Variants in PLEKHS1 observed in about 807,000 individuals in gnomAD.
PLEKHS1 encodes the protein pleckstrin homology domain-containing family S member 1.
Under a neutral mutation model 51.0 loss-of-function variants are expected in PLEKHS1, and 55 were observed. The ratio of observed to expected loss-of-function variants is 1.08; its 90% confidence interval spans 0.87 to 1.35. The LOEUF is 1.35. Ranked by LOEUF, PLEKHS1 falls within the 40% of genes most tolerant of loss-of-function variation. The pLI, the probability that PLEKHS1 is intolerant of heterozygous loss-of-function variation, is 0.00. For synonymous variants in PLEKHS1, 153 were observed against 144.8 expected (o/e 1.06, Z -0.41); for missense variants, 398 against 423.0 (o/e 0.94, Z 0.52).
chr10:113,761,951 G>A (rs1843949735), intron 2 of PLEKHS1, among the ~76,000 whole-genome samples: 2 of 151,862 alleles, frequency 1.3e-5, no homozygotes, highest in African/African-American at 4.8e-5. Flanking sequence ...AGCCACTTGG[G>A]CCTATATGAA....
chr10:113,779,899 T>A (rs183449346), intron 11 of PLEKHS1, among the ~76,000 whole-genome samples: 13 of 152,362 alleles, frequency 8.5e-5, no homozygotes, highest in Non-Finnish European at 1.6e-4. Flanking sequence ...GATAGAAAAT[T>A]CCCTTACTTT....
chr10:113,765,697 T>G (rs188414739), intron 2 of PLEKHS1, among the ~76,000 whole-genome samples: 190 of 152,374 alleles, frequency 1.2e-3, no homozygotes, highest in Middle Eastern at 3.4e-3. Flanking sequence ...TATTCACTAT[T>G]TAGAAAAACA....
chr10:113,764,753 C>CTG (rs890335639), intron 2 of PLEKHS1: 1 of 152,254 alleles, frequency 6.6e-6, no homozygotes, highest in Non-Finnish European at 1.5e-5. Context: ...CCACAGTGTA[C>CTG]TGGTGCTCTT....
exon 7 of PLEKHS1, chr10:113,769,793 T>C (rs1178165024): frequency 5.0e-6 from 8 of 1,611,142 alleles, no homozygotes; most frequent in Non-Finnish European, 5.9e-6. Context: ...GGAGGAACTC[T>C]CATTGGGTAA....
intron 9 of PLEKHS1, 71 bp from the exon 10 acceptor site, chr10:113,774,755 C>A: frequency 1.4e-6 from 2 of 1,408,874 alleles, no homozygotes; most frequent in South Asian, 2.4e-5. Context: ...CTACTTAAAT[C>A]TGACACACAC....
At chr10:113,778,771 G>A (rs1054287173) in intron 11 of PLEKHS1, among the ~76,000 whole-genome samples, 2 of 151,734 alleles carry the variant, frequency 1.3e-5, no homozygotes, top group Admixed American at 1.3e-4. Context: ...AGCCTCCTGA[G>A]TAGCTGGGAC....
chr10:113,780,643 A>C, exon 12 of PLEKHS1: 2 of 1,613,972 alleles, frequency 1.2e-6, no homozygotes, highest in Non-Finnish European at 8.5e-7. Flanking sequence ...ATTCAGAGAC[A>C]TTCCATGCTG....
intron 2 of PLEKHS1, among the ~76,000 whole-genome samples, chr10:113,759,632 G>C (rs1168632635): frequency 7.9e-5 from 12 of 151,982 alleles, no homozygotes; most frequent in Non-Finnish European, 1.6e-4. Flanking sequence ...TCATTTTTTT[G>C]ATGAGTAGTA....
At chr10:113,774,728 C>A in intron 9 of PLEKHS1, 98 bp from the exon 10 acceptor site, 1 of 1,082,604 alleles carries the variant, frequency 9.2e-7, no homozygotes, top group Non-Finnish European at 1.4e-6. Context: ...CCTTGCTAGT[C>A]TTCACATGGC....
Position 113,775,094 on chromosome 10 carries a change from C to CT in PLEKHS1, c.989+69dup, listed in dbSNP as rs941663074. 6.7e-3 allele frequency: 7,908 copies of CT among 1,185,362 alleles called. 1 individual carries two copies. The highest frequency in any genetic ancestry group is 7.6e-3 in the South Asian group (469 of 61,464). The allele number at this position is 1,185,362 out of a possible 1,614,324, so 73.4% of individuals were successfully genotyped here. ...TAAGAGCAAGGCAGCCTCCCTCCCA[C>CT]TTTTTTTTTTAACTTAGAATTTAAA... On this transcript the variant is annotated intron_variant, in intron 10 of 11. Coordinates refer to ENST00000361048, the Ensembl canonical transcript of PLEKHS1.
chr10:113,762,364 CCTTTTT>C (rs1387699206), intron 2 of PLEKHS1, among the ~76,000 whole-genome samples: 1,424 of 75,706 alleles, frequency 0.019, 28 homozygotes, highest in African/African-American at 0.05. Flanking sequence ...TAGATTTGTT[CCTTTTT>C]TTTTTTTTTT....
chr10:113,776,205 A>G (rs1299741950), intron 11 of PLEKHS1, among the ~76,000 whole-genome samples: 1 of 152,196 alleles, frequency 6.6e-6, no homozygotes, highest in Non-Finnish European at 1.5e-5. Flanking sequence ...TTGATGAATG[A>G]GTGAAATTAG....
intron 1 of PLEKHS1, 75 bp from the exon 2 acceptor site, chr10:113,755,184 C>T: frequency 6.8e-7 from 1 of 1,463,238 alleles, no homozygotes; most frequent in South Asian, 1.4e-5. Flanking sequence ...CTGATACTCA[C>T]TGACCAGCGG....
At chr10:113,780,728 C>A (rs753896107) in exon 12 of PLEKHS1, 1 of 1,604,136 alleles carries the variant, frequency 6.2e-7, no homozygotes, top group South Asian at 1.1e-5. Flanking sequence ...GAACAGAGCT[C>A]CCAAGAGGAG....
exon 6 of PLEKHS1, chr10:113,768,882 A>G (rs1358660263): frequency 6.2e-7 from 1 of 1,612,718 alleles, no homozygotes; most frequent in Non-Finnish European, 8.5e-7. Context: ...AACACAGCAG[A>G]ACACAGAGGT....
At chr10:113,766,308 A>T in intron 2 of PLEKHS1, 103 bp from the exon 3 acceptor site, 1 of 709,572 alleles carries the variant, frequency 1.4e-6, no homozygotes, top group Non-Finnish European at 2.4e-6. Context: ...ATAACTACTG[A>T]ATAATCTGAA....
exon 12 of PLEKHS1, chr10:113,781,965 C>G (rs1292899819): frequency 1.3e-5 from 2 of 152,284 alleles, no homozygotes; most frequent in African/African-American, 4.8e-5. Context: ...CACATGCAGC[C>G]AAGATCAGCT....
intron 10 of PLEKHS1, 137 bp downstream of exon 10, chr10:113,775,172 C>G: frequency 1.3e-6 from 1 of 762,346 alleles, no homozygotes; most frequent in Admixed American, 2.7e-5. Context: ...TGACCATCTT[C>G]TCCCTGTCAT....
At chr10:113,772,928 G>C (rs1844478167) in intron 8 of PLEKHS1, among the ~76,000 whole-genome samples, 1 of 152,160 alleles carries the variant, frequency 6.6e-6, no homozygotes, top group African/African-American at 2.4e-5. Flanking sequence ...CTCAAAACCT[G>C]AATTATCCTC....
Sources: allele counts gnomAD v4.1 joint callset (sites outside exome capture counted in the v4.1 genomes callset), GRCh38; gene constraint gnomAD v4.1.1; transcripts MANE v1.5; gene names NCBI Gene and HGNC (gene_info 2026-07-23, HGNC 2026-07-21).